Variants in TTLL11 observed in about 807,000 individuals in gnomAD.
The protein encoded by TTLL11 is tubulin polyglutamylase TTLL11.
TTLL11 carries 42 observed loss-of-function variants against 51.7 expected under a neutral mutation model. The ratio of observed to expected loss-of-function variants is 0.81; its 90% CI spans 0.64 to 1.05. TTLL11 has a LOEUF of 1.05. Among genes scored for constraint, TTLL11 ranks in the 50% least tolerant of loss-of-function variants. The pLI, the probability that TTLL11 is intolerant of heterozygous loss-of-function variation, is 0.00. For synonymous variants in TTLL11, 381 were observed against 383.5 expected (o/e 0.99, Z 0.08); for missense variants, 799 against 940.4 (o/e 0.85, Z 1.97).
intron 6 of TTLL11, among the ~76,000 whole-genome samples, chr9:121,955,633 C>T (rs1841994441): frequency 6.6e-6 from 1 of 152,144 alleles, no homozygotes; most frequent in African/African-American, 2.4e-5. Context: ...AGAGTCAAAC[C>T]CAGGCCCACT....
intron 3 of TTLL11, among the ~76,000 whole-genome samples, chr9:122,001,475 A>C (rs1843464943): frequency 7.2e-6 from 1 of 137,954 alleles, no homozygotes; most frequent in South Asian, 2.5e-4. Flanking sequence ...TGCAGATCAC[A>C]CAGGAGGTGG....
intron 6 of TTLL11, among the ~76,000 whole-genome samples, chr9:121,919,928 A>G (rs1303111455): frequency 2.6e-5 from 4 of 152,030 alleles, no homozygotes; most frequent in Non-Finnish European, 5.9e-5. Context: ...AATAGCTAAC[A>G]CTTTAATACT....
chr9:121,947,570 C>T (rs1324140219), intron 6 of TTLL11, among the ~76,000 whole-genome samples: 1 of 152,152 alleles, frequency 6.6e-6, no homozygotes. Flanking sequence ...CTTAAAGTCA[C>T]TTAGTGTCAG....
rs114193685 is a variant in TTLL11, at chr9:121,999,394, A to G, written c.694-9624T>C. On this transcript the variant is annotated intron_variant, in intron 3 of 8. Transcript: ENST00000321582. Reference sequence around the variant, plus strand: ...GCTCATTGTCTTTTCTCTCAAATCTACCCCTCCTGTGTTCCCTCTAACAGT... The same window carrying G: ...GCTCATTGTCTTTTCTCTCAAATCTGCCCCTCCTGTGTTCCCTCTAACAGT... 3.0e-3 allele frequency among the ~76,000 whole-genome samples: 458 copies of G among 151,588 alleles called. 6 individuals carry two copies. Among genetic ancestry groups the G allele is most frequent in the African/African-American group, 0.011 (443 of 41,302 alleles).
In TTLL11 at chr9:121,899,378, C is replaced by CATATATAT. The variant is rs747040027; in HGVS notation, c.1482-28638_1482-28631dup. 1.5e-3 allele frequency among the ~76,000 whole-genome samples: 196 copies of CATATATAT among 130,418 alleles called. 1 individual carries two copies. Among genetic ancestry groups the CATATATAT allele is most frequent in the East Asian group, 7.8e-3 (35 of 4,476 alleles). 85.6% of individuals were successfully genotyped at this position (130,418 alleles called of 152,430 possible). ...GTATGTGTGTGTGTATATATATATA[C>CATATATAT]ATATATATATATATATATATATATA... On this transcript the variant is annotated intron_variant, in intron 6 of 8. Coordinates refer to ENST00000321582, the MANE Select transcript of TTLL11 (RefSeq NM_001139442.2).
chr9:121,846,963 C>T (rs957835932), intron 8 of TTLL11, among the ~76,000 whole-genome samples: 3 of 152,120 alleles, frequency 2.0e-5, no homozygotes, highest in Admixed American at 2.0e-4. Context: ...GTAATCCCAG[C>T]ACTTTGGGAG....
At chr9:121,867,637 C>A (rs1588081461) in intron 7 of TTLL11, among the ~76,000 whole-genome samples, 1 of 150,168 alleles carries the variant, frequency 6.7e-6, no homozygotes. Flanking sequence ...CTCAGGCTCT[C>A]CCTGCTGCCT....
Position 121,820,899 on chromosome 9 carries a change from G to C in TTLL11, c.*1688C>G, listed in dbSNP as rs1316151217. Among the ~76,000 whole-genome samples, 1 of 151,756 alleles carries C rather than the reference G, an allele frequency of 6.6e-6. No homozygotes were observed. Among genetic ancestry groups the C allele is most frequent in the East Asian group, 2.0e-4 (1 of 5,114 alleles). ...AGGGCTCAGTTCCACGGCCCCTCTA[G>C]GCTGGGGAAGGGCAGCGGCCTTTGG... On this transcript the variant is annotated 3_prime_UTR_variant, in exon 9 of 9. Coordinates refer to ENST00000321582, the MANE Select transcript of TTLL11 (RefSeq NM_001139442.2).
chr9:121,943,681 C>A (rs1409163642), intron 6 of TTLL11, among the ~76,000 whole-genome samples: 1 of 152,192 alleles, frequency 6.6e-6, no homozygotes, highest in Non-Finnish European at 1.5e-5. Context: ...CCAGTGAGCA[C>A]CTCAAGAAAA....
At chr9:121,832,351 AC>A (rs1402022892) in intron 8 of TTLL11, among the ~76,000 whole-genome samples, 2 of 151,638 alleles carry the variant, frequency 1.3e-5, no homozygotes, top group Non-Finnish European at 2.9e-5. Flanking sequence ...CACTCAGAAA[AC>A]CCCTCACAGC....
chr9:121,934,264 A>AAATAAATAAATAAATCAATC (rs1424864629), intron 6 of TTLL11, among the ~76,000 whole-genome samples: 17 of 151,878 alleles, frequency 1.1e-4, no homozygotes, highest in African/African-American at 3.9e-4. Context: ...ATAAATAAAT[A>AAATAAATAAATAAATCAATC]AATCCATTCG....
chr9:122,050,138 A>C (rs981949059), intron 1 of TTLL11, among the ~76,000 whole-genome samples: 1 of 152,210 alleles, frequency 6.6e-6, no homozygotes, highest in African/African-American at 2.4e-5. Flanking sequence ...ACTGAGAAAA[A>C]CAATAGTAAT....
intron 6 of TTLL11, among the ~76,000 whole-genome samples, chr9:121,948,194 T>A (rs1490483639): frequency 1.3e-5 from 2 of 152,196 alleles, no homozygotes; most frequent in East Asian, 3.9e-4. Context: ...TGTAGATAGC[T>A]GAAAGCATTT....
Position 121,890,488 on chromosome 9 carries a change from C to T in TTLL11, c.1482-19740G>A, listed in dbSNP as rs1839186107. Among the ~76,000 whole-genome samples, 1 of 152,270 alleles carries T rather than the reference C, an allele frequency of 6.6e-6. No homozygotes were observed. The highest frequency in any genetic ancestry group is 6.5e-5 in the Admixed American group (1 of 15,304). On this transcript the variant is annotated intron_variant, in intron 6 of 8. Coordinates refer to ENST00000321582, the MANE Select transcript of TTLL11 (RefSeq NM_001139442.2). The surrounding 1 kb of genome is among the most constrained non-coding windows in gnomAD (Gnocchi z 4.3). Reference sequence around the variant, plus strand: ...TCCTTCAAGTGTGTGTCCAAGTGTGCCCTTCTCAGGCAGGCCTCCCCCAAG... The same window carrying T: ...TCCTTCAAGTGTGTGTCCAAGTGTGTCCTTCTCAGGCAGGCCTCCCCCAAG...
chr9:121,975,150 G>T lies in TTLL11; in HGVS notation c.1270-171C>A, dbSNP rs1012475579. ...TACTTGTCAGACCAAATGGACAGCA[G>T]AAAATTTTACAGGAACCTTGATAAT... On this transcript the variant is annotated intron_variant, in intron 4 of 8. Transcript: ENST00000321582. 2.0e-5 allele frequency among the ~76,000 whole-genome samples: 3 copies of T among 152,194 alleles called. No homozygotes were observed. In the East Asian group the frequency reaches 5.8e-4, roughly 29 times the overall value.
chr9:122,032,569 A>G (rs1588222605), intron 2 of TTLL11, among the ~76,000 whole-genome samples: 1 of 151,198 alleles, frequency 6.6e-6, no homozygotes, highest in African/African-American at 2.4e-5. Context: ...GGGGGTGTGA[A>G]CCTGGGAGGC....
chr9:121,982,414 T>C (rs1056417660), intron 4 of TTLL11, among the ~76,000 whole-genome samples: 1 of 152,056 alleles, frequency 6.6e-6, no homozygotes, highest in African/African-American at 2.4e-5. Flanking sequence ...CTAAATAAAG[T>C]GAGAGAATAA....
intron 6 of TTLL11, among the ~76,000 whole-genome samples, chr9:121,899,273 T>C (rs376287092): frequency 5.3e-5 from 8 of 151,942 alleles, no homozygotes; most frequent in African/African-American, 1.2e-4. Flanking sequence ...AGCCCTGCCC[T>C]AAACACTCTT....
intron 7 of TTLL11, among the ~76,000 whole-genome samples, chr9:121,862,109 G>A (rs1440809317): frequency 5.9e-5 from 9 of 152,014 alleles, no homozygotes; most frequent in African/African-American, 4.8e-5. Flanking sequence ...TCAGTCTGAT[G>A]TCAGCATTGG....
Sources: gnomAD v4.1 joint callset for allele counts (sites outside exome capture counted in the v4.1 genomes callset) on GRCh38, gnomAD v4.1.1 for gene constraint, Gnocchi (gnomAD v3.1) non-coding constraint, MANE v1.5 for transcripts, NCBI Gene and HGNC (gene_info 2026-07-23, HGNC 2026-07-21) for gene names.